UNC13B: variants seen among roughly 807,000 people sequenced by gnomAD.
UNC13B encodes the protein unc-13 homolog B.
Under a neutral mutation model 211.0 loss-of-function variants are expected in UNC13B, and 144 were observed. The ratio of observed to expected loss-of-function variants is 0.68; its 90% CI spans 0.60 to 0.78. The LOEUF (loss-of-function observed/expected upper bound fraction) is 0.78, where lower values mean the gene tolerates loss of function less well. Among genes scored for constraint, UNC13B ranks in the 30% least tolerant of loss-of-function variants. UNC13B has a pLI of 0.00. For missense variants in UNC13B, 1,777 were observed against 2,002.0 expected (o/e 0.89, Z 2.14); for synonymous variants, 709 against 725.8 (o/e 0.98, Z 0.37).
At chr9:35,340,757 G>A (rs1459742852) in intron 11 of UNC13B, among the ~76,000 whole-genome samples, 1 of 152,118 alleles carries the variant, frequency 6.6e-6, no homozygotes, top group African/African-American at 2.4e-5. Context: ...CTGGCTGATC[G>A]AGCTCTATAT....
chr9:35,288,319 G>C (rs1349047470), intron 7 of UNC13B, among the ~76,000 whole-genome samples: 1 of 152,034 alleles, frequency 6.6e-6, no homozygotes, highest in African/African-American at 2.4e-5. Context: ...TGCCCTCCAG[G>C]TAATTCCAAA....
chr9:35,183,600 T>C (rs1390697800), intron 1 of UNC13B, among the ~76,000 whole-genome samples: 22 of 107,666 alleles, frequency 2.0e-4, no homozygotes, highest in Admixed American at 1.9e-4. Flanking sequence ...GCAGAGGCGC[T>C]CCTCACCTCC....
At chr9:35,199,772 T>A (rs1295664005) in intron 1 of UNC13B, among the ~76,000 whole-genome samples, 1 of 152,204 alleles carries the variant, frequency 6.6e-6, no homozygotes, top group Non-Finnish European at 1.5e-5. Context: ...TGCAAAAATT[T>A]TCTCCCATTC....
chr9:35,393,166 C>T (rs750265823), intron 26 of UNC13B, among the ~76,000 whole-genome samples: 19 of 152,128 alleles, frequency 1.2e-4, no homozygotes, highest in Non-Finnish European at 2.6e-4. Flanking sequence ...AGAAAACAGT[C>T]GTATAAATTG....
intron 11 of UNC13B, among the ~76,000 whole-genome samples, chr9:35,320,313 A>G (rs976155220): frequency 6.6e-6 from 1 of 152,200 alleles, no homozygotes; most frequent in African/African-American, 2.4e-5. Context: ...GAGCAGTATG[A>G]CATACTTTTA....
chr9:35,162,161 G>C lies in UNC13B; in HGVS notation c.-123G>C, dbSNP rs536549174. The C allele has an allele frequency of 2.1e-6, 3 of 1,435,816 alleles. No homozygotes were observed. In the East Asian group the frequency reaches 7.5e-5, roughly 36 times the overall value. 88.9% of individuals were successfully genotyped at this position (1,435,816 alleles called of 1,614,324 possible). ...GCGGCGGGACGCTACCTGCGACCGG[G>C]ACCATGAGGAGCTGCCAGACCCGTG... On this transcript the variant is annotated 5_prime_UTR_variant, in exon 1 of 40. Coordinates refer to ENST00000635942, the MANE Select transcript of UNC13B (RefSeq NM_001371189.2).
intron 1 of UNC13B, among the ~76,000 whole-genome samples, chr9:35,206,596 TGTGGCACA>T (rs985835411): frequency 6.6e-6 from 1 of 151,686 alleles, no homozygotes; most frequent in African/African-American, 2.4e-5. Context: ...GTAGGCCGGG[TGTGGCACA>T]GTGGCTCACA....
At chr9:35,369,491 A>C (rs1222161360) in intron 12 of UNC13B, among the ~76,000 whole-genome samples, 1 of 152,216 alleles carries the variant, frequency 6.6e-6, no homozygotes, top group Non-Finnish European at 1.5e-5. Context: ...TTTTGGGTAC[A>C]TTTTCTGTTT....
At position 35,200,701 on chromosome 9, in the gene UNC13B, C is replaced by G. The variant is rs372073737; in HGVS notation, c.23-27314C>G. On this transcript the variant is annotated intron_variant, in intron 1 of 39. Coordinates refer to ENST00000635942, the MANE Select transcript of UNC13B (RefSeq NM_001371189.2). ...CATTGATTTTGTATCCTGAGACTTT[C>G]CTGAAGTTGCTTATCAGCTTAAGGA... Among the ~76,000 whole-genome samples the G allele has an allele frequency of 1.1e-3, 168 of 152,130 alleles. 2 individuals are homozygous for G. The South Asian group carries it at 0.019, about 18-fold the overall frequency.
intron 11 of UNC13B, among the ~76,000 whole-genome samples, chr9:35,340,685 G>A (rs556111183): frequency 6.6e-6 from 1 of 152,206 alleles, no homozygotes; most frequent in Admixed American, 6.5e-5. Context: ...GAGGAAGAGG[G>A]CCTTTTCTCT....
chr9:35,275,140 C>T (rs1465285312), intron 7 of UNC13B, among the ~76,000 whole-genome samples: 5 of 151,930 alleles, frequency 3.3e-5, no homozygotes, highest in Non-Finnish European at 5.9e-5. Flanking sequence ...TTTTTTCTCC[C>T]AAGTCTCCCA....
chr9:35,319,957 C>T (rs1830658916), intron 11 of UNC13B, among the ~76,000 whole-genome samples: 1 of 152,132 alleles, frequency 6.6e-6, no homozygotes, highest in Non-Finnish European at 1.5e-5. Flanking sequence ...ATAGGCCTGG[C>T]CCCTAGCTCC....
chr9:35,326,327 G>A (rs755369871), intron 11 of UNC13B, among the ~76,000 whole-genome samples: 8 of 152,110 alleles, frequency 5.3e-5, no homozygotes, highest in Non-Finnish European at 8.8e-5. Flanking sequence ...CCCCAAATGG[G>A]TACCTGAAAC....
intron 11 of UNC13B, among the ~76,000 whole-genome samples, chr9:35,337,210 T>G (rs577255010): frequency 1.2e-4 from 18 of 149,326 alleles, no homozygotes; most frequent in African/African-American, 4.2e-4. Context: ...TAAAGAGGAG[T>G]GAGTGGGAGG....
rs1311485370 is a variant in UNC13B at position 35,162,141 on chromosome 9, G to C, written c.-143G>C. On this transcript the variant is annotated 5_prime_UTR_variant, in exon 1 of 40. Coordinates refer to ENST00000635942, the MANE Select transcript of UNC13B (RefSeq NM_001371189.2). ...TTTGGGGCGGGTCCGAGGCAGCGGC[G>C]GGACGCTACCTGCGACCGGGACCAT... 3 of 1,290,186 alleles carry C rather than the reference G, an allele frequency of 2.3e-6. No individual in the cohort carries two copies. The highest frequency in any genetic ancestry group is 3.2e-6 in the Non-Finnish European group (3 of 930,778). The allele number at this position is 1,290,186 out of a possible 1,614,324, so 79.9% of individuals were successfully genotyped here.
chr9:35,386,362 T>A, intron 24 of UNC13B, 69 bp downstream of exon 24: 1 of 1,601,604 alleles, frequency 6.2e-7, no homozygotes, highest in Non-Finnish European at 8.5e-7. Flanking sequence ...TCCTTCATGA[T>A]GGTGGTGGAA....
chr9:35,370,195 C>T, intron 12 of UNC13B, 123 bp from the exon 13 acceptor site: 1 of 704,970 alleles, frequency 1.4e-6, no homozygotes, highest in Non-Finnish European at 2.4e-6. Flanking sequence ...GTCCTAAAAG[C>T]ACATGGTAGA....
At chr9:35,402,138 G>A in intron 37 of UNC13B, 1 of 793,404 alleles carries the variant, frequency 1.3e-6, no homozygotes, top group Non-Finnish European at 2.1e-6. Context: ...TCAAGTCTTA[G>A]AGATGGGTAA....
chr9:35,163,096 G>C (rs1820864249), intron 1 of UNC13B, among the ~76,000 whole-genome samples: 1 of 152,190 alleles, frequency 6.6e-6, no homozygotes, highest in African/African-American at 2.4e-5. Flanking sequence ...CTTAATGCTG[G>C]TTTTGAATGA....
Sources: allele counts gnomAD v4.1 joint callset (sites outside exome capture counted in the v4.1 genomes callset), GRCh38; gene constraint gnomAD v4.1.1; transcripts MANE v1.5; gene names NCBI Gene and HGNC (gene_info 2026-07-23, HGNC 2026-07-21).